ASTN2: variants seen among roughly 807,000 people sequenced by gnomAD.
ASTN2 encodes the protein astrotactin-2.
Under a neutral mutation model 139.8 loss-of-function variants are expected in ASTN2, and 54 were observed. The ratio of observed to expected loss-of-function variants is 0.39; its 90% CI spans 0.31 to 0.48. ASTN2 has a LOEUF of 0.48. Ranked by LOEUF, ASTN2 falls within the 20% of genes least tolerant of loss-of-function variation. The probability of loss-of-function intolerance (pLI) is 0.95; values close to 1 mark genes in which losing one functional copy is unlikely to be tolerated. For missense variants in ASTN2, 1,565 were observed against 1,725.1 expected, an observed-to-expected ratio of 0.91 and a Z score of 1.64; for synonymous variants, 756 against 719.5, an observed-to-expected ratio of 1.05 and a Z score of -0.81.
intron 20 of ASTN2, among the ~76,000 whole-genome samples, chr9:116,455,348 CAA>C (rs34816182): frequency 0.51 from 62,584 of 123,922 alleles, 15,763 homozygotes; most frequent in Non-Finnish European, 0.63. Context: ...GATTCTGTCT[CAA>C]AAAAAAAAAA....
chr9:116,512,972 T>A (rs1348445822), intron 19 of ASTN2, among the ~76,000 whole-genome samples: 1 of 152,202 alleles, frequency 6.6e-6, no homozygotes, highest in Non-Finnish European at 1.5e-5. Flanking sequence ...AATCTGTGTC[T>A]TTTAATCGGA....
chr9:116,767,048 A>G (rs1829830891), intron 13 of ASTN2, among the ~76,000 whole-genome samples: 1 of 152,058 alleles, frequency 6.6e-6, no homozygotes, highest in African/African-American at 2.4e-5. Flanking sequence ...TCATACTCAC[A>G]TACTTAAAAC....
chr9:116,525,147 T>C (rs1851036389), intron 19 of ASTN2, among the ~76,000 whole-genome samples: 1 of 152,192 alleles, frequency 6.6e-6, no homozygotes, highest in East Asian at 1.9e-4. Context: ...TATTGGGAAC[T>C]GGAGCAAAGG....
intron 6 of ASTN2, among the ~76,000 whole-genome samples, chr9:117,013,235 C>T (rs912553121): frequency 2.0e-5 from 3 of 152,100 alleles, no homozygotes; most frequent in Non-Finnish European, 2.9e-5. Flanking sequence ...TTTGGGAATA[C>T]AAACTACACA....
intron 19 of ASTN2, among the ~76,000 whole-genome samples, chr9:116,504,858 T>C (rs578113480): frequency 5.7e-4 from 75 of 131,082 alleles, no homozygotes; most frequent in Non-Finnish European, 1.0e-3. Flanking sequence ...ATAGTACCAC[T>C]GCCCTCTAGC....
intron 10 of ASTN2, among the ~76,000 whole-genome samples, chr9:116,938,504 A>C (rs1488935667): frequency 2.0e-5 from 3 of 152,266 alleles, no homozygotes; most frequent in African/African-American, 7.2e-5. Flanking sequence ...ACTGCCCTTG[A>C]GCTGGCTGCT....
At chr9:117,233,575 A>G (rs1320196921) in intron 2 of ASTN2, among the ~76,000 whole-genome samples, 1 of 152,228 alleles carries the variant, frequency 6.6e-6, no homozygotes, top group African/African-American at 2.4e-5. Context: ...ACAGAGAAAG[A>G]CTGAAGTCTG....
At chr9:117,282,997 T>TC (rs1286302656) in intron 2 of ASTN2, among the ~76,000 whole-genome samples, 3 of 148,774 alleles carry the variant, frequency 2.0e-5, no homozygotes, top group African/African-American at 7.3e-5. Flanking sequence ...TTTTTTTTTT[T>TC]GGAAACTCTT....
In ASTN2 at chr9:117,162,960, G is replaced by A. The variant is rs182094540; in HGVS notation, c.1016-21482C>T. On this transcript the variant is annotated intron_variant, in intron 3 of 22. Coordinates refer to ENST00000313400, the MANE Select transcript of ASTN2 (RefSeq NM_001365068.1). Reference sequence around the variant, plus strand: ...GTAGGAACAGGGACTGGTTTCTAAGGAGACCAGGAAAATGCTCCCAGACAA... The same window carrying A: ...GTAGGAACAGGGACTGGTTTCTAAGAAGACCAGGAAAATGCTCCCAGACAA... Among the ~76,000 whole-genome samples, 14 of 152,142 alleles carry A rather than the reference G, an allele frequency of 9.2e-5. No individual in the cohort carries two copies. The East Asian group carries it at 1.6e-3, about 17-fold the overall frequency.
At chr9:116,587,104 G>A (rs980564507) in intron 19 of ASTN2, among the ~76,000 whole-genome samples, 22 of 152,094 alleles carry the variant, frequency 1.4e-4, no homozygotes, top group Admixed American at 6.5e-5. Flanking sequence ...ACTTTGGGAG[G>A]CTGAGGTGGG....
chr9:117,241,633 C>G (rs1015921589), intron 2 of ASTN2, among the ~76,000 whole-genome samples: 3 of 152,140 alleles, frequency 2.0e-5, no homozygotes, highest in Admixed American at 6.5e-5. Flanking sequence ...TGTTGCTGAT[C>G]TGACAGGAGG....
intron 20 of ASTN2, among the ~76,000 whole-genome samples, chr9:116,467,408 A>G (rs565496111): frequency 6.6e-6 from 1 of 152,302 alleles, no homozygotes; most frequent in Non-Finnish European, 1.5e-5. Flanking sequence ...CTGGGACTAC[A>G]GGCGCACGCC....
rs147184785 is a variant in ASTN2 at position 116,563,449 on chromosome 9, T to A, written c.3355+54875A>T. On this transcript the variant is annotated intron_variant, in intron 19 of 22. Transcript: ENST00000313400. Reference sequence around the variant, plus strand: ...CCCAACAGAATAGCAAGGAAAGAATTTGCAATAGAGAGAACCACATGAACA... The same window carrying A: ...CCCAACAGAATAGCAAGGAAAGAATATGCAATAGAGAGAACCACATGAACA... Among the ~76,000 whole-genome samples, 944 of 152,078 alleles carry A rather than the reference T, an allele frequency of 6.2e-3. 14 individuals are homozygous for A. The highest frequency in any genetic ancestry group is 0.021 in the African/African-American group (884 of 41,490).
At position 117,407,591 on chromosome 9, in the gene ASTN2, C is replaced by T. The variant is rs73655694; in HGVS notation, c.442+6906G>A. 8.2e-3 allele frequency among the ~76,000 whole-genome samples: 1,245 copies of T among 152,338 alleles called. 16 individuals carry two copies. Among genetic ancestry groups the T allele is most frequent in the African/African-American group, 0.028 (1,144 of 41,568 alleles). On this transcript the variant is annotated intron_variant, in intron 1 of 22. Coordinates refer to ENST00000313400, the MANE Select transcript of ASTN2 (RefSeq NM_001365068.1). The stretch of plus-strand genomic sequence containing the variant: ...TTCCAGTATGCTAGTAAGAAAGCTA[C>T]ACATATTTCAGTTTTGAATCTTGCA...
At chr9:116,570,647 T>C (rs1853468517) in intron 19 of ASTN2, among the ~76,000 whole-genome samples, 1 of 152,216 alleles carries the variant, frequency 6.6e-6, no homozygotes, top group South Asian at 2.1e-4. Context: ...TCCACCCGCC[T>C]TGGCCTCCCA....
At chr9:117,284,210 C>A (rs1224316623) in intron 2 of ASTN2, among the ~76,000 whole-genome samples, 1 of 152,106 alleles carries the variant, frequency 6.6e-6, no homozygotes, top group African/African-American at 2.4e-5. Context: ...CCCAAGCGAT[C>A]CTCCCACCTC....
rs576530497 is a variant in ASTN2 at position 117,177,186 on chromosome 9, C to A, written c.1016-35708G>T. Among the ~76,000 whole-genome samples, 28 of 152,252 alleles carry A rather than the reference C, an allele frequency of 1.8e-4. 1 individual carries two copies. The highest frequency in any genetic ancestry group is 6.7e-4 in the African/African-American group (28 of 41,536). On this transcript the variant is annotated intron_variant, in intron 3 of 22. Coordinates refer to ENST00000313400, the MANE Select transcript of ASTN2 (RefSeq NM_001365068.1). The stretch of plus-strand genomic sequence containing the variant: ...AGACCCTCTATGAAATTAGAGTGAA[C>A]TACAATGAGGTCTAATGATAAAAAC...
chr9:116,529,891 A>G (rs1200233783), intron 19 of ASTN2, among the ~76,000 whole-genome samples: 1 of 151,270 alleles, frequency 6.6e-6, no homozygotes, highest in African/African-American at 2.4e-5. Context: ...AGTAAATTAA[A>G]CCTCTTTTGT....
At chr9:116,971,275 T>C (rs1199740889) in intron 10 of ASTN2, among the ~76,000 whole-genome samples, 2 of 152,214 alleles carry the variant, frequency 1.3e-5, no homozygotes, top group Non-Finnish European at 2.9e-5. Context: ...GGCTGGAGAA[T>C]GGGAGCTGTC....
Sources: gnomAD v4.1 joint callset for allele counts (sites outside exome capture counted in the v4.1 genomes callset) on GRCh38, gnomAD v4.1.1 for gene constraint, MANE v1.5 for transcripts, NCBI Gene and HGNC (gene_info 2026-07-23, HGNC 2026-07-21) for gene names.